The following NXPH1 variants were observed in gnomAD, a reference collection of about 807,000 sequenced individuals.
The protein encoded by NXPH1 is neurexophilin 1, also known as neurexophilin-1.
A neutral mutation model predicts 23.7 loss-of-function variants in NXPH1; 5 were observed. That is an observed-to-expected ratio of 0.21 (90% confidence interval 0.11 to 0.44). The LOEUF is 0.44. Among genes scored for constraint, NXPH1 ranks in the 20% least tolerant of loss-of-function variants. NXPH1 has a pLI of 0.99. For missense variants in NXPH1, 324 were observed against 321.6 expected, an observed-to-expected ratio of 1.01 and a Z score of -0.06; for synonymous variants, 144 against 122.2, an observed-to-expected ratio of 1.18 and a Z score of -1.18.
At chr7:8,443,153 G>A (rs185985979) in intron 2 of NXPH1, among the ~76,000 whole-genome samples, 4 of 152,294 alleles carry the variant, frequency 2.6e-5, no homozygotes, top group African/African-American at 7.2e-5. Context: ...CCAGCTATTC[G>A]GGGGGCAGCT....
chr7:8,670,449 G>A (rs916510083), intron 2 of NXPH1, among the ~76,000 whole-genome samples: 12 of 152,114 alleles, frequency 7.9e-5, no homozygotes, highest in Non-Finnish European at 1.8e-4. Flanking sequence ...ATGACTTTTT[G>A]TAACTTACAG....
At chr7:8,673,800 A>C (rs1460349758) in intron 2 of NXPH1, among the ~76,000 whole-genome samples, 1 of 152,148 alleles carries the variant, frequency 6.6e-6, no homozygotes, top group Non-Finnish European at 1.5e-5. Flanking sequence ...TAGTAGCTAC[A>C]GGAAGATAGT....
Position 8,751,862 on chromosome 7 carries a change from G to C in NXPH1, c.*93G>C. The C allele has an allele frequency of 8.2e-7, 1 of 1,216,264 alleles. No individual in the cohort carries two copies. Among genetic ancestry groups the C allele is most frequent in the Non-Finnish European group, 1.1e-6 (1 of 890,836 alleles). The allele number at this position is 1,216,264 out of a possible 1,614,324, so 75.3% of individuals were successfully genotyped here. On this transcript the variant is annotated 3_prime_UTR_variant, in exon 3 of 3. Coordinates refer to ENST00000405863, the MANE Select transcript of NXPH1 (RefSeq NM_152745.3). This position sits in a 1 kb window ranked among gnomAD's most constrained non-coding sequence, Gnocchi z 4.5. ...AGAAGAAGGTCACATCTGTTGCCTG[G>C]AATGTGTCTACACTGCTGCTCTTGT...
At chr7:8,596,016 C>T (rs558807356) in intron 2 of NXPH1, among the ~76,000 whole-genome samples, 4 of 152,030 alleles carry the variant, frequency 2.6e-5, no homozygotes, top group Non-Finnish European at 5.9e-5. Context: ...ATTTAGCATG[C>T]AAGTTTGATA....
At chr7:8,450,830 G>A (rs761434649) in intron 2 of NXPH1, among the ~76,000 whole-genome samples, 7 of 152,140 alleles carry the variant, frequency 4.6e-5, no homozygotes, top group African/African-American at 7.2e-5. Flanking sequence ...CCCATCATTG[G>A]CTCAATAGAT....
chr7:8,752,322 C>A lies in NXPH1; in HGVS notation c.*553C>A, dbSNP rs1398149388. 1 of 153,080 alleles carries A rather than the reference C, an allele frequency of 6.5e-6. No individual in the cohort carries two copies. Among genetic ancestry groups the A allele is most frequent in the Non-Finnish European group, 1.5e-5 (1 of 68,504 alleles). The allele number at this position is 153,080 out of a possible 1,614,324, so 9.5% of individuals were successfully genotyped here. ...AAATGTGTCTTTAGAGCTCAGTATT[C>A]TTTATTTTACAAACACAACAAAATG... is the stretch of plus-strand genomic sequence containing the variant. On this transcript the variant is annotated 3_prime_UTR_variant, in exon 3 of 3. Transcript: ENST00000405863.
At chr7:8,677,276 A>G (rs1443693671) in intron 2 of NXPH1, among the ~76,000 whole-genome samples, 2 of 152,240 alleles carry the variant, frequency 1.3e-5, no homozygotes, top group Non-Finnish European at 2.9e-5. Context: ...TTCTAAGGTT[A>G]TAACATTTAT....
intron 2 of NXPH1, among the ~76,000 whole-genome samples, chr7:8,630,662 A>C (rs1398808449): frequency 6.6e-6 from 1 of 152,176 alleles, no homozygotes; most frequent in Admixed American, 6.6e-5. Context: ...TGAGTTTTTC[A>C]GTTCTCTTGT....
intron 2 of NXPH1, among the ~76,000 whole-genome samples, chr7:8,551,071 A>G (rs1270539286): frequency 2.0e-5 from 3 of 151,532 alleles, no homozygotes; most frequent in Non-Finnish European, 1.5e-5. Context: ...TCTTACTGAA[A>G]TATCTTAGTT....
chr7:8,538,805 T>C (rs1818067117), intron 2 of NXPH1, among the ~76,000 whole-genome samples: 1 of 151,890 alleles, frequency 6.6e-6, no homozygotes, highest in South Asian at 2.1e-4. Context: ...GTTTGGATGT[T>C]AGAAGGTGAC....
rs570191496 is a variant in NXPH1 at position 8,542,095 on chromosome 7, A to G, written c.54+106328A>G. Among the ~76,000 whole-genome samples, 9 of 151,584 alleles carry G rather than the reference A, an allele frequency of 5.9e-5. No homozygotes were observed. The South Asian group carries it at 1.2e-3, about 21-fold the overall frequency. ...TGAAAATTAAGATCTATTAATAACT[A>G]TATGTGGCTTGGGAGAAACACTTTA... is the stretch of plus-strand genomic sequence containing the variant. On this transcript the variant is annotated intron_variant, in intron 2 of 2. Coordinates refer to ENST00000405863, the MANE Select transcript of NXPH1 (RefSeq NM_152745.3).
At chr7:8,581,340 T>A (rs753105692) in intron 2 of NXPH1, among the ~76,000 whole-genome samples, 13 of 152,190 alleles carry the variant, frequency 8.5e-5, no homozygotes, top group Non-Finnish European at 1.6e-4. Context: ...TTCCACAGGC[T>A]GTACAGGAAG....
At chr7:8,609,963 T>C (rs1268231913) in intron 2 of NXPH1, among the ~76,000 whole-genome samples, 2 of 152,254 alleles carry the variant, frequency 1.3e-5, no homozygotes, top group East Asian at 3.9e-4. Flanking sequence ...TATTAAAATT[T>C]ACTTGTTTGA....
At chr7:8,451,438 C>T (rs1371038496) in intron 2 of NXPH1, among the ~76,000 whole-genome samples, 5 of 152,154 alleles carry the variant, frequency 3.3e-5, no homozygotes, top group Admixed American at 3.3e-4. Flanking sequence ...TCTTACTAAC[C>T]TTGAGCTGAA....
intron 2 of NXPH1, among the ~76,000 whole-genome samples, chr7:8,471,782 A>G (rs752647289): frequency 2.6e-5 from 4 of 152,134 alleles, no homozygotes; most frequent in Non-Finnish European, 2.9e-5. Flanking sequence ...CATTTTTAAC[A>G]TGTTTCACTG....
chr7:8,603,651 A>G (rs559203441), intron 2 of NXPH1, among the ~76,000 whole-genome samples: 79 of 152,286 alleles, frequency 5.2e-4, no homozygotes, highest in African/African-American at 1.9e-3. Flanking sequence ...TTTGGATAGA[A>G]TATAATTTTA....
chr7:8,604,742 C>T (rs925135592), intron 2 of NXPH1, among the ~76,000 whole-genome samples: 1 of 152,002 alleles, frequency 6.6e-6, no homozygotes, highest in South Asian at 2.1e-4. Context: ...TGGTACTAGA[C>T]TACTAGTGGC....
intron 2 of NXPH1, among the ~76,000 whole-genome samples, chr7:8,602,724 T>C (rs10245124): frequency 0.051 from 7,716 of 152,284 alleles, 350 homozygotes; most frequent in East Asian, 0.17. Context: ...GTCAGTGTTC[T>C]CCACTCTGCT....
intron 2 of NXPH1, among the ~76,000 whole-genome samples, chr7:8,685,836 A>T (rs1268188230): frequency 1.3e-5 from 2 of 152,078 alleles, no homozygotes; most frequent in Non-Finnish European, 2.9e-5. Flanking sequence ...AAAAAATAGA[A>T]AGAATGAATA....
Sources: allele counts gnomAD v4.1 joint callset (sites outside exome capture counted in the v4.1 genomes callset), GRCh38; gene constraint gnomAD v4.1.1; non-coding constraint Gnocchi (gnomAD v3.1); transcripts MANE v1.5; gene names NCBI Gene and HGNC (gene_info 2026-07-23, HGNC 2026-07-21).